The following CSGALNACT1 variants were observed in gnomAD, a reference collection of about 807,000 sequenced individuals.
CSGALNACT1 encodes the protein chondroitin sulfate N-acetylgalactosaminyltransferase 1, also known as beta4GalNAcT-1.
CSGALNACT1 carries 52 observed loss-of-function variants against 51.0 expected under a neutral mutation model. That is an observed-to-expected ratio of 1.02 (90% CI 0.82 to 1.29). CSGALNACT1 has a LOEUF of 1.29. Among genes scored for constraint, CSGALNACT1 ranks in the 50% most tolerant of loss-of-function variants. The probability of loss-of-function intolerance (pLI) is 0.00; values close to 1 mark genes in which losing one functional copy is unlikely to be tolerated. For missense variants in CSGALNACT1, 935 were observed against 679.2 expected (o/e 1.38, Z -4.19); for synonymous variants, 341 against 254.4 (o/e 1.34, Z -3.24).
intron 1 of CSGALNACT1, among the ~76,000 whole-genome samples, chr8:19,665,407 C>T (rs2154193289): frequency 6.6e-6 from 1 of 152,216 alleles, no homozygotes; most frequent in South Asian, 2.1e-4. Context: ...TGTTTATGAA[C>T]AGCTTGCTTC....
At chr8:19,439,297 G>C (rs748464377) in intron 6 of CSGALNACT1, among the ~76,000 whole-genome samples, 7 of 152,240 alleles carry the variant, frequency 4.6e-5, no homozygotes, top group Non-Finnish European at 1.0e-4. Context: ...AACTGAGTAA[G>C]TTTGATCAAG....
rs2062578897 is a variant in CSGALNACT1 at position 19,712,663 on chromosome 8, C to T, written c.-297+45187G>A. Among the ~76,000 whole-genome samples the T allele has an allele frequency of 3.3e-5, 5 of 152,290 alleles. No individual in the cohort carries two copies. The South Asian group carries it at 1.0e-3, about 32-fold the overall frequency. On this transcript the variant is annotated intron_variant, in intron 1 of 1. Transcript: ENST00000517494. Reference sequence around the variant, plus strand: ...CGCCATTACACAAAAGAAATGCCAACCACTGCGTTTCTTAAAATGCAGTGC... The same window carrying T: ...CGCCATTACACAAAAGAAATGCCAATCACTGCGTTTCTTAAAATGCAGTGC...
At chr8:19,747,128 G>A (rs143531739) in intron 1 of CSGALNACT1, among the ~76,000 whole-genome samples, 1 of 152,286 alleles carries the variant, frequency 6.6e-6, no homozygotes, top group African/African-American at 2.4e-5. Context: ...AAAAGTCACT[G>A]GTTACCCTCT....
exon 4 of CSGALNACT1, chr8:19,505,825 C>T (rs1563788377): frequency 1.2e-6 from 2 of 1,611,532 alleles, no homozygotes; most frequent in African/African-American, 1.3e-5. Flanking sequence ...CCCCGGCGAA[C>T]CATCATCATT....
intron 1 of CSGALNACT1, among the ~76,000 whole-genome samples, chr8:19,627,895 G>A (rs2154167338): frequency 6.6e-6 from 1 of 152,266 alleles, no homozygotes; most frequent in African/African-American, 2.4e-5. Flanking sequence ...AGTTAATAGT[G>A]TTGAAACAAT....
chr8:19,612,455 T>G (rs1383533755), intron 1 of CSGALNACT1, among the ~76,000 whole-genome samples: 2 of 152,056 alleles, frequency 1.3e-5, no homozygotes, highest in African/African-American at 4.8e-5. Context: ...CCGCCATACC[T>G]TGCAAGATTC....
At chr8:19,408,566 T>G (rs754519809) in intron 9 of CSGALNACT1, 47 bp downstream of exon 8, 1 of 1,414,536 alleles carries the variant, frequency 7.1e-7, no homozygotes, top group Admixed American at 1.8e-5. Context: ...AAGGCCTACA[T>G]GGGCCCGTGG....
chr8:19,685,059 T>C (rs142797939), upstream of CSGALNACT1, among the ~76,000 whole-genome samples: 1,070 of 152,280 alleles, frequency 7.0e-3, 13 homozygotes, highest in African/African-American at 0.024. Flanking sequence ...TTTATGACTA[T>C]GGTAAAGAGC....
intron 1 of CSGALNACT1, among the ~76,000 whole-genome samples, chr8:19,676,187 G>GCA (rs2060180115): frequency 6.6e-6 from 1 of 151,450 alleles, no homozygotes; most frequent in Admixed American, 6.6e-5. Flanking sequence ...ATTACTCAAG[G>GCA]CACAAAGAAA....
chr8:19,662,803 C>T (rs543223882), intron 1 of CSGALNACT1, among the ~76,000 whole-genome samples: 2 of 152,176 alleles, frequency 1.3e-5, no homozygotes, highest in Admixed American at 1.3e-4. Context: ...AGTGGAGAGA[C>T]AGCACACCCA....
At chr8:19,421,985 A>C (rs2058026967) in intron 6 of CSGALNACT1, among the ~76,000 whole-genome samples, 1 of 152,182 alleles carries the variant, frequency 6.6e-6, no homozygotes, top group South Asian at 2.1e-4. Flanking sequence ...ATGTTTCTGA[A>C]TGAGTGTATG....
chr8:19,747,922 A>C (rs2064782496), intron 1 of CSGALNACT1, among the ~76,000 whole-genome samples: 1 of 152,220 alleles, frequency 6.6e-6, no homozygotes, highest in Non-Finnish European at 1.5e-5. Flanking sequence ...GTTTAGTTAA[A>C]AGATGAAAGA....
intron 4 of CSGALNACT1, among the ~76,000 whole-genome samples, chr8:19,499,356 G>A (rs2076030730): frequency 6.6e-6 from 1 of 152,128 alleles, no homozygotes; most frequent in Admixed American, 6.5e-5. Context: ...TAAGGACTGA[G>A]CCTCACTCAG....
In CSGALNACT1 at chr8:19,408,468, CTTTTTTTTTTT is replaced by C. The variant is rs1186216767; in HGVS notation, c.1309+134_1309+144del. On this transcript the variant is annotated intron_variant, in intron 9 of 9. Transcript: ENST00000454498. Reference sequence around the variant, plus strand: ...AGCCACCGCACCTAGTCTGGAATAGCTTTTTTTTTTTTTTTTTTTTTTTTTTTTTGAAGGCA... The same window carrying C: ...AGCCACCGCACCTAGTCTGGAATAGCTTTTTTTTTTTTTTTTTTGAAGGCA... 1,600 of 466,886 alleles carry C rather than the reference CTTTTTTTTTTT, an allele frequency of 3.4e-3. 1 individual carries two copies. The highest frequency in any genetic ancestry group is 5.8e-3 in the African/African-American group (163 of 28,270). The allele number at this position is 466,886 out of a possible 1,614,324, so 28.9% of individuals were successfully genotyped here. A position where few individuals can be genotyped will look rare whatever the true frequency, so the allele number is the denominator to read the frequency against.
chr8:19,672,064 A>G (rs2172350), intron 1 of CSGALNACT1, among the ~76,000 whole-genome samples: 74,085 of 152,068 alleles, frequency 0.49, 18,818 homozygotes, highest in Middle Eastern at 0.6. Context: ...TGGTACAAAT[A>G]GTGTTAAGGC....
At chr8:19,507,888 A>G (rs986966381) in intron 3 of CSGALNACT1, among the ~76,000 whole-genome samples, 2 of 152,178 alleles carry the variant, frequency 1.3e-5, no homozygotes, top group African/African-American at 4.8e-5. Flanking sequence ...CGGCCTCCCA[A>G]AGTGCTGGGA....
At chr8:19,506,973 G>A (rs2077452507) in intron 3 of CSGALNACT1, among the ~76,000 whole-genome samples, 2 of 152,190 alleles carry the variant, frequency 1.3e-5, no homozygotes, top group Non-Finnish European at 2.9e-5. Flanking sequence ...AGCCAGGTGA[G>A]CCCACATGTG....
chr8:19,591,981 T>G (rs2154134141), intron 2 of CSGALNACT1, among the ~76,000 whole-genome samples: 1 of 152,278 alleles, frequency 6.6e-6, no homozygotes, highest in South Asian at 2.1e-4. Context: ...ATCATTTATG[T>G]AGAATTCCTG....
intron 1 of CSGALNACT1, among the ~76,000 whole-genome samples, chr8:19,637,547 G>T (rs960928725): frequency 1.3e-5 from 2 of 152,138 alleles, no homozygotes; most frequent in Non-Finnish European, 2.9e-5. Context: ...AATGTTAGCC[G>T]AACAGTTATG....
Sources: allele counts gnomAD v4.1 joint callset (sites outside exome capture counted in the v4.1 genomes callset), GRCh38; gene constraint gnomAD v4.1.1; transcripts MANE v1.5; gene names NCBI Gene and HGNC (gene_info 2026-07-23, HGNC 2026-07-21).